The following HS3ST2 variants were observed in gnomAD, a reference collection of about 807,000 sequenced individuals.
HS3ST2 encodes the protein heparan sulfate glucosamine 3-O-sulfotransferase 2.
Under a neutral mutation model 26.3 loss-of-function variants are expected in HS3ST2, and 17 were observed. The ratio of observed to expected loss-of-function variants is 0.65; its 90% confidence interval spans 0.44 to 0.97. The LOEUF is 0.97. Among genes scored for constraint, HS3ST2 ranks in the 50% least tolerant of loss-of-function variants. HS3ST2 has a pLI of 0.00. For missense variants in HS3ST2, 402 were observed against 501.2 expected, an observed-to-expected ratio of 0.80 and a Z score of 1.89; for synonymous variants, 237 against 219.2, an observed-to-expected ratio of 1.08 and a Z score of -0.72.
chr16:22,833,566 C>T, intron 1 of HS3ST2: 3 of 333,676 alleles, frequency 9.0e-6, no homozygotes, highest in South Asian at 7.6e-5. Flanking sequence ...GGGGAGTCTA[C>T]TACTCTAAAG....
At chr16:22,816,722 C>T (rs1333429963) in intron 1 of HS3ST2, among the ~76,000 whole-genome samples, 3 of 152,172 alleles carry the variant, frequency 2.0e-5, no homozygotes, top group African/African-American at 7.2e-5. Context: ...GAGTCAGATC[C>T]CGGGATGGAG....
chr16:22,859,300 C>G (rs1484985532), intron 1 of HS3ST2, among the ~76,000 whole-genome samples: 1 of 152,210 alleles, frequency 6.6e-6, no homozygotes. Context: ...TTTTGCAGTA[C>G]TCAAAGTACA....
chr16:22,913,188 A>T, intron 1 of HS3ST2, among the ~76,000 whole-genome samples: 1 of 94,418 alleles, frequency 1.1e-5, no homozygotes, highest in Non-Finnish European at 2.0e-5. Flanking sequence ...GGGAGGGCGG[A>T]AGGAAGGAAG....
At chr16:22,885,241 C>T (rs1902044735) in intron 1 of HS3ST2, among the ~76,000 whole-genome samples, 1 of 151,992 alleles carries the variant, frequency 6.6e-6, no homozygotes, top group Admixed American at 6.6e-5. Flanking sequence ...AAAAGTCTTG[C>T]CCCAACTTTG....
chr16:22,914,773 A>C (rs1442803831), intron 1 of HS3ST2, among the ~76,000 whole-genome samples, 171 bp from the exon 2 acceptor site: 1 of 150,064 alleles, frequency 6.7e-6, no homozygotes, highest in Non-Finnish European at 1.5e-5. Context: ...AAGAGAAGAA[A>C]AGAAAATCAA....
At chr16:22,824,554 G>GCAAACAAA (rs145348324) in intron 1 of HS3ST2, among the ~76,000 whole-genome samples, 1 of 151,980 alleles carries the variant, frequency 6.6e-6, no homozygotes, top group African/African-American at 2.4e-5. Flanking sequence ...CAAAAAGCAA[G>GCAAACAAA]CAAACAAACA....
intron 1 of HS3ST2, among the ~76,000 whole-genome samples, chr16:22,834,891 A>T (rs1901230482): frequency 6.6e-6 from 1 of 152,114 alleles, no homozygotes; most frequent in African/African-American, 2.4e-5. Context: ...ATTTAAAAAT[A>T]TTTATTAGCC....
intron 1 of HS3ST2, among the ~76,000 whole-genome samples, chr16:22,818,698 T>C (rs1423156814): frequency 9.5e-5 from 9 of 95,050 alleles, no homozygotes; most frequent in African/African-American, 4.0e-4. Context: ...TTGCCTGCCT[T>C]CCTTCCTTCC....
chr16:22,840,544 G>C (rs1755272096), intron 1 of HS3ST2, among the ~76,000 whole-genome samples: 1 of 151,984 alleles, frequency 6.6e-6, no homozygotes, highest in African/African-American at 2.4e-5. Flanking sequence ...CACCACGCCT[G>C]GCTAATTTTT....
intron 1 of HS3ST2, among the ~76,000 whole-genome samples, chr16:22,914,375 C>T (rs898991798): frequency 6.6e-6 from 1 of 151,988 alleles, no homozygotes; most frequent in South Asian, 2.1e-4. Flanking sequence ...TTATTTAGCT[C>T]ACTGTGATGG....
chr16:22,843,727 A>G (rs1449840329), intron 1 of HS3ST2, among the ~76,000 whole-genome samples: 3 of 152,094 alleles, frequency 2.0e-5, no homozygotes, highest in Non-Finnish European at 4.4e-5. Flanking sequence ...CCGTGTGTTT[A>G]GCTCTCTGGA....
chr16:22,909,450 TAAA>T (rs1567502149), intron 1 of HS3ST2, among the ~76,000 whole-genome samples: 1 of 152,130 alleles, frequency 6.6e-6, no homozygotes. Flanking sequence ...AACAGTGACA[TAAA>T]GAAGAAAGAT....
chr16:22,844,178 A>C (rs145679280), intron 1 of HS3ST2, among the ~76,000 whole-genome samples: 2 of 152,092 alleles, frequency 1.3e-5, no homozygotes, highest in African/African-American at 4.8e-5. Context: ...TGTAAGTGCC[A>C]TATGTCCCAG....
chr16:22,826,545 C>T (rs1901089295), intron 1 of HS3ST2, among the ~76,000 whole-genome samples: 1 of 152,162 alleles, frequency 6.6e-6, no homozygotes, highest in South Asian at 2.1e-4. Context: ...TTTACTCTTT[C>T]CCCACTAGCC....
intron 1 of HS3ST2, among the ~76,000 whole-genome samples, chr16:22,855,521 G>A (rs892513813): frequency 1.3e-5 from 2 of 152,112 alleles, no homozygotes; most frequent in African/African-American, 4.8e-5. Context: ...AGCTGCAACT[G>A]CCACGCCCCT....
intron 1 of HS3ST2, among the ~76,000 whole-genome samples, chr16:22,818,535 G>A (rs1426890430): frequency 6.6e-6 from 1 of 152,102 alleles, no homozygotes; most frequent in Non-Finnish European, 1.5e-5. Flanking sequence ...AGTTTCTGAT[G>A]CTGCTGCTGT....
chr16:22,849,211 A>C (rs1901486659), intron 1 of HS3ST2, among the ~76,000 whole-genome samples: 1 of 152,208 alleles, frequency 6.6e-6, no homozygotes, highest in Non-Finnish European at 1.5e-5. Flanking sequence ...GACCCTCTAC[A>C]GGAACACACT....
At chr16:22,909,563 C>A (rs957455845) in intron 1 of HS3ST2, among the ~76,000 whole-genome samples, 2 of 152,212 alleles carry the variant, frequency 1.3e-5, no homozygotes, top group African/African-American at 2.4e-5. Context: ...AGGACTCCAA[C>A]ACTCTATTCC....
chr16:22,847,212 C>G (rs1275373453), intron 1 of HS3ST2, among the ~76,000 whole-genome samples: 2 of 152,140 alleles, frequency 1.3e-5, no homozygotes, highest in Non-Finnish European at 2.9e-5. Context: ...TTAGTTCCCA[C>G]TTATAAGTGA....
Sources: allele counts gnomAD v4.1 joint callset (sites outside exome capture counted in the v4.1 genomes callset), GRCh38; gene constraint gnomAD v4.1.1; transcripts MANE v1.5; gene names NCBI Gene and HGNC (gene_info 2026-07-23, HGNC 2026-07-21).